The following DNAH11 variants were observed in gnomAD, a reference collection of about 807,000 sequenced individuals.
DNAH11 encodes the protein axonemal beta dynein heavy chain 11.
DNAH11 carries 442 observed loss-of-function variants against 526.0 expected under a neutral mutation model. The ratio of observed to expected loss-of-function variants is 0.84; its 90% CI spans 0.78 to 0.91. The LOEUF (loss-of-function observed/expected upper bound fraction) is 0.91. DNAH11 is among the 40% of genes least tolerant of loss of function. The pLI, the probability that DNAH11 is intolerant of heterozygous loss-of-function variation, is 0.00. For missense variants in DNAH11, 6,989 were observed against 5,448.7 expected, an observed-to-expected ratio of 1.28 and a Z score of -8.90; for synonymous variants, 2,461 against 1,935.9, an observed-to-expected ratio of 1.27 and a Z score of -7.12.
At position 21,556,685 on chromosome 7, in the gene DNAH11, C is replaced by G. The variant is rs542695147; in HGVS notation, c.496-2117C>G. 5.1e-4 allele frequency among the ~76,000 whole-genome samples: 78 copies of G among 152,268 alleles called. 1 individual carries two copies. The highest frequency in any genetic ancestry group is 1.8e-3 in the African/African-American group (74 of 41,544). Reference sequence around the variant, plus strand: ...TCCTCACCCTCCTTCCACCCTCCACCCTCAAGAAGGCCACAGTGTCTGTTG... The same window carrying G: ...TCCTCACCCTCCTTCCACCCTCCACGCTCAAGAAGGCCACAGTGTCTGTTG... On this transcript the variant is annotated intron_variant, in intron 2 of 81. Transcript: ENST00000409508.
chr7:21,815,915 A>C (rs527402913), intron 63 of DNAH11, among the ~76,000 whole-genome samples: 6 of 152,032 alleles, frequency 3.9e-5, no homozygotes, highest in Admixed American at 6.6e-5. Context: ...AGGCATAGAT[A>C]ATTTCCTCTC....
At chr7:21,616,928 C>G (rs1159898533) in intron 22 of DNAH11, among the ~76,000 whole-genome samples, 1 of 152,018 alleles carries the variant, frequency 6.6e-6, no homozygotes, top group African/African-American at 2.4e-5. Context: ...TTTTTTCCAC[C>G]CCAGGGCTTC....
intron 41 of DNAH11, 44 bp from the exon 42 acceptor site, chr7:21,711,668 G>T: frequency 1.3e-6 from 2 of 1,588,562 alleles, no homozygotes; most frequent in South Asian, 2.3e-5. Context: ...GGATGTTTGC[G>T]GCATTGCTTT....
intron 68 of DNAH11, among the ~76,000 whole-genome samples, chr7:21,859,783 A>G (rs1782987953): frequency 6.6e-6 from 1 of 152,180 alleles, no homozygotes; most frequent in Non-Finnish European, 1.5e-5. Context: ...CGCCATTATC[A>G]CCAAGGCATG....
chr7:21,897,265 A>G (rs1009724787), intron 79 of DNAH11, among the ~76,000 whole-genome samples: 1 of 151,966 alleles, frequency 6.6e-6, no homozygotes, highest in Non-Finnish European at 1.5e-5. Flanking sequence ...TGGGTTATAA[A>G]CCTTCCTGTT....
Position 21,594,055 on chromosome 7 carries a change from T to TACAC in DNAH11, c.2667+2482_2667+2485dup, listed in dbSNP as rs746527002. Reference sequence around the variant, plus strand: ...TTTCTCCCTCATGCACACTCTTTCATACACACATACACACACACACACACA... The same window carrying TACAC: ...TTTCTCCCTCATGCACACTCTTTCATACACACACACATACACACACACACACACA... On this transcript the variant is annotated intron_variant, in intron 14 of 81. Transcript: ENST00000409508. Among the ~76,000 whole-genome samples, 21 of 77,722 alleles carry TACAC rather than the reference T, an allele frequency of 2.7e-4. No homozygotes were observed. In the South Asian group the frequency reaches 7.2e-3, roughly 27 times the overall value. The allele number at this position is 77,722 out of a possible 152,430, so 51.0% of individuals were successfully genotyped here.
intron 61 of DNAH11, among the ~76,000 whole-genome samples, chr7:21,793,319 A>G (rs1393568525): frequency 2.0e-5 from 3 of 152,162 alleles, no homozygotes; most frequent in Non-Finnish European, 2.9e-5. Context: ...CCATGTGCTG[A>G]TGAAAAGAAT....
chr7:21,849,657 T>C (rs1456597220), intron 66 of DNAH11, among the ~76,000 whole-genome samples: 1 of 152,240 alleles, frequency 6.6e-6, no homozygotes, highest in Non-Finnish European at 1.5e-5. Context: ...TTTTGCATAG[T>C]TTCTCAAGAG....
chr7:21,585,643 TA>T (rs1351312213), intron 9 of DNAH11, among the ~76,000 whole-genome samples: 4 of 152,030 alleles, frequency 2.6e-5, no homozygotes, highest in African/African-American at 4.8e-5. Context: ...CCGAAGTGTG[TA>T]AAAAAAATTG....
intron 55 of DNAH11, among the ~76,000 whole-genome samples, chr7:21,771,915 A>G (rs1787452370): frequency 1.3e-5 from 2 of 152,182 alleles, no homozygotes; most frequent in Admixed American, 1.3e-4. Flanking sequence ...AATTTATGCT[A>G]ATGAAATTAC....
intron 2 of DNAH11, among the ~76,000 whole-genome samples, chr7:21,553,257 C>A (rs1783092996): frequency 6.6e-6 from 1 of 151,918 alleles, no homozygotes; most frequent in African/African-American, 2.4e-5. Context: ...TATTCCTAAT[C>A]CTAAACCCAA....
chr7:21,615,342 A>T (rs574342426), intron 21 of DNAH11, 70 bp downstream of exon 21: 1 of 1,535,152 alleles, frequency 6.5e-7, no homozygotes, highest in African/African-American at 1.4e-5. Flanking sequence ...TGTGGAGCCT[A>T]TATTATTCTA....
intron 61 of DNAH11, among the ~76,000 whole-genome samples, chr7:21,793,231 C>T (rs1053008012): frequency 5.9e-5 from 9 of 152,092 alleles, no homozygotes; most frequent in African/African-American, 2.2e-4. Context: ...AGAAAAGGTA[C>T]TTGATATGAT....
chr7:21,875,248 C>A (rs971756882), intron 74 of DNAH11, among the ~76,000 whole-genome samples: 3 of 152,050 alleles, frequency 2.0e-5, no homozygotes, highest in African/African-American at 7.2e-5. Context: ...TAATTTCTGG[C>A]TATTTATGAC....
intron 6 of DNAH11, among the ~76,000 whole-genome samples, chr7:21,566,684 A>T (rs1427612837): frequency 6.6e-6 from 1 of 151,952 alleles, no homozygotes; most frequent in African/African-American, 2.4e-5. Context: ...CTCACCCGTT[A>T]TACCATGCTC....
intron 61 of DNAH11, among the ~76,000 whole-genome samples, chr7:21,789,781 CTTTCTTTCTTTCTTTCTTTCTTTCTTT>C (rs1554281368): frequency 2.5e-3 from 194 of 77,172 alleles, no homozygotes; most frequent in African/African-American, 7.8e-3. Context: ...TTCTTTCTTT[CTTTCTTTCTTTCTTTCTTTCTTTCTTT>C]TTTCTTTCTT....
In DNAH11 at chr7:21,570,170, C is replaced by A. The variant is rs1783828997; in HGVS notation, c.1296C>A (p.Asn432Lys). 2.5e-6 allele frequency: 4 copies of A among 1,613,450 alleles called. No homozygotes were observed. In the South Asian group the frequency reaches 4.4e-5, roughly 18 times the overall value. ...VAVNILKTFK[N>K]SFFNYRKKLA... ...TTAACATCTTAAAGACTTTCAAAAA[C>A]TCCTTTTTCAACTATAGAAAAAAAT... is the stretch of plus-strand genomic sequence containing the variant. The change falls in exon 7 of 82, where the codon AAC becomes AAA. Residue 432 changes from asparagine (N) to lysine (K), a missense_variant. Asn to Lys is a moderately conservative substitution (Grantham distance 94). Transcript: ENST00000409508.
intron 25 of DNAH11, among the ~76,000 whole-genome samples, chr7:21,624,279 C>T (rs761135766): frequency 2.8e-4 from 43 of 152,048 alleles, no homozygotes; most frequent in Non-Finnish European, 4.3e-4. Flanking sequence ...AGATATTTCA[C>T]CTCCTTTGGT....
chr7:21,773,665 T>TCTAAAAG, intron 55 of DNAH11, 101 bp from the exon 56 acceptor site: 1 of 904,732 alleles, frequency 1.1e-6, no homozygotes, highest in Non-Finnish European at 1.6e-6. Context: ...TCATTTTTTT[T>TCTAAAAG]TCTGACTTTT....
Sources: allele counts gnomAD v4.1 joint callset (sites outside exome capture counted in the v4.1 genomes callset), GRCh38; gene constraint gnomAD v4.1.1; transcripts MANE v1.5; gene names NCBI Gene and HGNC (gene_info 2026-07-23, HGNC 2026-07-21).